The following VPS13A variants were observed in gnomAD, a reference collection of about 807,000 sequenced individuals.
VPS13A encodes the protein intermembrane lipid transfer protein VPS13A.
VPS13A carries 264 observed loss-of-function variants against 390.9 expected under a neutral mutation model. The ratio of observed to expected loss-of-function variants is 0.68; its 90% CI spans 0.61 to 0.75. VPS13A has a LOEUF of 0.75. VPS13A is among the 30% of genes least tolerant of loss of function. The pLI, the probability that VPS13A is intolerant of heterozygous loss-of-function variation, is 0.00. For missense variants in VPS13A, 3,409 were observed against 3,733.9 expected (o/e 0.91, Z 2.27); for synonymous variants, 1,231 against 1,227.1 (o/e 1.00, Z -0.07).
At chr9:77,275,921 C>A in intron 25 of VPS13A, 144 bp from the exon 26 acceptor site, 3 of 875,912 alleles carry the variant, frequency 3.4e-6, no homozygotes, top group Non-Finnish European at 3.5e-6. Flanking sequence ...TATTGTATGT[C>A]TGTGTGGGTA....
intron 1 of VPS13A, among the ~76,000 whole-genome samples, chr9:77,185,821 A>G (rs181566260): frequency 1.2e-3 from 182 of 152,316 alleles, no homozygotes; most frequent in Non-Finnish European, 2.1e-4. Context: ...AACTAGTCCA[A>G]GTCCACGTCC....
At chr9:77,252,007 C>T (rs1825171914) in intron 21 of VPS13A, among the ~76,000 whole-genome samples, 1 of 151,982 alleles carries the variant, frequency 6.6e-6, no homozygotes. Flanking sequence ...GCTTTACTGC[C>T]ATGTTACTTT....
At chr9:77,307,869 C>G (rs539761198) in intron 34 of VPS13A, 76 bp from the exon 35 acceptor site, 1 of 1,223,492 alleles carries the variant, frequency 8.2e-7, no homozygotes, top group African/African-American at 1.5e-5. Context: ...TTTTTCTCCT[C>G]TGAGAATTTT....
chr9:77,367,008 G>A (rs1180809424), intron 61 of VPS13A, 136 bp downstream of exon 61: 1 of 780,270 alleles, frequency 1.3e-6, no homozygotes, highest in Non-Finnish European at 2.0e-6. Context: ...TTCAAGTGAA[G>A]TGCAATCTGA....
intron 17 of VPS13A, among the ~76,000 whole-genome samples, chr9:77,233,559 GA>G (rs1360751048): frequency 6.6e-6 from 1 of 151,898 alleles, no homozygotes; most frequent in Non-Finnish European, 1.5e-5. Context: ...TTCCCTGTGA[GA>G]ACTGCTTTGG....
At chr9:77,194,361 T>TGG (rs142571721) in intron 1 of VPS13A, among the ~76,000 whole-genome samples, 10,923 of 149,126 alleles carry the variant, frequency 0.073, 429 homozygotes, top group Middle Eastern at 0.12. Flanking sequence ...GGATGGGGGT[T>TGG]GGGGGGGGCG....
intron 68 of VPS13A, among the ~76,000 whole-genome samples, chr9:77,384,161 T>TA (rs1833578474): frequency 6.6e-6 from 1 of 151,794 alleles, no homozygotes; most frequent in Non-Finnish European, 1.5e-5. Flanking sequence ...TCTCATGTTA[T>TA]TTTCTTATTT....
In VPS13A at chr9:77,337,785, A is replaced by C. The variant is rs1347697531; in HGVS notation, c.6378+248A>C. The C allele has an allele frequency of 1.0e-5, 4 of 396,502 alleles. No homozygotes were observed. The Admixed American group carries it at 1.6e-4, about 16-fold the overall frequency. The allele number at this position is 396,502 out of a possible 1,614,324, so 24.6% of individuals were successfully genotyped here. ...ATTCTTTTAGTGCTGATTTTCTTAA[A>C]AGATTGTATACTTTGTGAAGTTGCT... On this transcript the variant is annotated intron_variant, in intron 47 of 71. Transcript: ENST00000360280.
chr9:77,336,924 G>C (rs1452469869), intron 46 of VPS13A, among the ~76,000 whole-genome samples: 1 of 149,356 alleles, frequency 6.7e-6, no homozygotes, highest in African/African-American at 2.5e-5. Flanking sequence ...AGCCTCCTGA[G>C]TAGCTGGGAC....
Position 77,193,307 on chromosome 9 carries a change from T to C in VPS13A, c.101-6638T>C, listed in dbSNP as rs926744316. Among the ~76,000 whole-genome samples the C allele has an allele frequency of 2.6e-5, 4 of 151,862 alleles. No individual in the cohort carries two copies. In the East Asian group the frequency reaches 7.7e-4, roughly 29 times the overall value. On this transcript the variant is annotated intron_variant, in intron 1 of 71. Coordinates refer to ENST00000360280, the MANE Select transcript of VPS13A (RefSeq NM_033305.3). ...CTTTCTCCCGAATTTCGGTATCTTC[T>C]GAGTTTTATGCCCATCATTTCAGTG...
chr9:77,344,344 G>A (rs749355573), intron 51 of VPS13A, 63 bp downstream of exon 51: 17 of 1,519,394 alleles, frequency 1.1e-5, no homozygotes, highest in Admixed American at 3.9e-5. Flanking sequence ...GACTAGTATT[G>A]TATTTATTTT....
Position 77,337,374 on chromosome 9 carries a change from C to G in VPS13A, c.6215C>G (p.Pro2072Arg). The G allele has an allele frequency of 6.2e-7, 1 of 1,612,658 alleles. No individual in the cohort carries two copies. Among genetic ancestry groups the G allele is most frequent in the South Asian group, 1.1e-5 (1 of 91,030 alleles). Residue 2072 changes from proline (P) to arginine (R), a missense_variant, in exon 47 of 72, where the codon CCT (proline) becomes CGT (arginine). Around this residue, in one of 5 missense-constraint regions of VPS13A, gnomAD observed 2,717 missense variants for 2,917.4 expected, o/e 0.93. Transcript: ENST00000360280. ...AAGAAGAAATGTAGATCTAAAAACC[C>G]TTCTAAGGAATCATTTCTCATTAAT... Reference protein sequence around the residue: ...LLKKKCRSKNPSKESFLINIV... With the variant: ...LLKKKCRSKNRSKESFLINIV...
At chr9:77,328,914 C>T (rs557807123) in intron 45 of VPS13A, among the ~76,000 whole-genome samples, 1 of 152,242 alleles carries the variant, frequency 6.6e-6, no homozygotes, top group South Asian at 2.1e-4. Flanking sequence ...CTGGAGAGAC[C>T]TCAGGAAACT....
rs117688596 is a variant in VPS13A at position 77,407,518 on chromosome 9, A to C, written c.9400-15A>C. On this transcript the variant is annotated splice_polypyrimidine_tract_variant and intron_variant, in intron 70 of 71. Coordinates refer to ENST00000360280, the MANE Select transcript of VPS13A (RefSeq NM_033305.3). ...CAGATTATCTTTTTAATGAATTTAC[A>C]TATTCTGTTTATAGGAACGAGTGAA... The C allele has an allele frequency of 5.6e-3, 8,896 of 1,601,452 alleles. 35 individuals carry two copies. Among genetic ancestry groups the C allele is most frequent in the Non-Finnish European group, 6.6e-3 (7,758 of 1,169,300 alleles).
intron 68 of VPS13A, among the ~76,000 whole-genome samples, chr9:77,399,189 A>T (rs34326344): frequency 0.17 from 22,718 of 135,584 alleles, 1,217 homozygotes; most frequent in Middle Eastern, 0.21. Flanking sequence ...AATAAAAAAA[A>T]AAAAAAAAAA....
At chr9:77,194,170 G>A (rs1375389992) in intron 1 of VPS13A, among the ~76,000 whole-genome samples, 1 of 152,134 alleles carries the variant, frequency 6.6e-6, no homozygotes, top group African/African-American at 2.4e-5. Context: ...GCAAAACAGT[G>A]CGGGGAAGCT....
At chr9:77,232,066 T>G (rs1004918118) in intron 17 of VPS13A, among the ~76,000 whole-genome samples, 1 of 152,178 alleles carries the variant, frequency 6.6e-6, no homozygotes, top group Admixed American at 6.5e-5. Flanking sequence ...CATAGATGTA[T>G]GTATGGCTTT....
chr9:77,415,016 C>T (rs938671314), intron 71 of VPS13A, among the ~76,000 whole-genome samples: 3 of 152,098 alleles, frequency 2.0e-5, no homozygotes, highest in Non-Finnish European at 4.4e-5. Context: ...TGATATAAGG[C>T]GACACTGACA....
intron 45 of VPS13A, among the ~76,000 whole-genome samples, chr9:77,323,525 C>T (rs543133314): frequency 5.9e-5 from 9 of 151,798 alleles, no homozygotes; most frequent in African/African-American, 1.7e-4. Flanking sequence ...GTATTTATAT[C>T]CTTTCTATTT....
Sources: gnomAD v4.1 joint callset for allele counts (sites outside exome capture counted in the v4.1 genomes callset) on GRCh38, gnomAD v4.1.1 for gene constraint, gnomAD v4.1.1 regional missense constraint, MANE v1.5 for transcripts, NCBI Gene and HGNC (gene_info 2026-07-23, HGNC 2026-07-21) for gene names.